UNC5C: variants seen among roughly 807,000 people sequenced by gnomAD.
UNC5C encodes the protein unc-5 netrin receptor C, also known as netrin receptor UNC5C.
Under a neutral mutation model 99.8 loss-of-function variants are expected in UNC5C, and 47 were observed. That is an observed-to-expected ratio of 0.47 (90% CI 0.37 to 0.60). The LOEUF (loss-of-function observed/expected upper bound fraction) is 0.60, where lower values mean the gene tolerates loss of function less well. Among genes scored for constraint, UNC5C ranks in the 20% least tolerant of loss-of-function variants. The pLI is 0.00. For missense variants in UNC5C, 1,062 were observed against 1,165.9 expected, an observed-to-expected ratio of 0.91 and a Z score of 1.30; for synonymous variants, 487 against 452.2, an observed-to-expected ratio of 1.08 and a Z score of -0.98.
intron 10 of UNC5C, among the ~76,000 whole-genome samples, chr4:95,207,944 A>G (rs1194972379): frequency 6.6e-6 from 1 of 152,186 alleles, no homozygotes; most frequent in Non-Finnish European, 1.5e-5. Context: ...ACTGTTTCAT[A>G]TATTTGGAGA....
chr4:95,232,492 G>A (rs1267370552), intron 7 of UNC5C, among the ~76,000 whole-genome samples: 4 of 152,094 alleles, frequency 2.6e-5, no homozygotes, highest in African/African-American at 7.2e-5. Flanking sequence ...TAGATTTCTA[G>A]CAAGAAGAAA....
chr4:95,172,847 C>A (rs952801156), intron 14 of UNC5C, among the ~76,000 whole-genome samples: 3 of 152,074 alleles, frequency 2.0e-5, no homozygotes, highest in African/African-American at 7.2e-5. Flanking sequence ...GCCATTTTCA[C>A]GATATTGATT....
At position 95,487,100 on chromosome 4, in the gene UNC5C, T is replaced by C. The variant is rs1296057926; in HGVS notation, c.124+61634A>G. Among the ~76,000 whole-genome samples, 3 of 151,680 alleles carry C rather than the reference T, an allele frequency of 2.0e-5. No homozygotes were observed. In the East Asian group the frequency reaches 5.9e-4, roughly 30 times the overall value. On this transcript the variant is annotated intron_variant, in intron 1 of 15. Coordinates refer to ENST00000453304, the MANE Select transcript of UNC5C (RefSeq NM_003728.4). ...TTAGACTTCCCAACCTCCAGAACCATGAGGCAATAAATTCATGTTCACTAT... is the reference window on the plus strand; with the variant it reads ...TTAGACTTCCCAACCTCCAGAACCACGAGGCAATAAATTCATGTTCACTAT...
chr4:95,501,688 A>G (rs757390639), intron 1 of UNC5C, among the ~76,000 whole-genome samples: 35 of 152,166 alleles, frequency 2.3e-4, no homozygotes, highest in Non-Finnish European at 4.7e-4. Flanking sequence ...TGAAAGTATT[A>G]TAAAGGCAAA....
intron 1 of UNC5C, among the ~76,000 whole-genome samples, chr4:95,392,465 T>C: frequency 6.6e-6 from 1 of 150,486 alleles, no homozygotes; most frequent in Non-Finnish European, 1.5e-5. Context: ...CAGGTTTCAC[T>C]CTGTCACCTG....
At chr4:95,250,241 G>A (rs1739646729) in intron 5 of UNC5C, among the ~76,000 whole-genome samples, 1 of 152,080 alleles carries the variant, frequency 6.6e-6, no homozygotes, top group Non-Finnish European at 1.5e-5. Flanking sequence ...CTAGAACCGG[G>A]CATGGTGGTA....
chr4:95,167,278 G>A lies in UNC5C; in HGVS notation c.*1956C>T, dbSNP rs1234929555. 6.6e-6 allele frequency: 1 copy of A among 152,142 alleles called. No individual in the cohort carries two copies. Among genetic ancestry groups the A allele is most frequent in the South Asian group, 2.1e-4 (1 of 4,832 alleles). The allele number at this position is 152,142 out of a possible 1,614,324, so 9.4% of individuals were successfully genotyped here. ...GTTCTTCAGTTTTGGTTTTGCTACT[G>A]GGCTTTGATTCTTTAATCCCCACCT... is the stretch of plus-strand genomic sequence containing the variant. On this transcript the variant is annotated 3_prime_UTR_variant, in exon 16 of 16. Coordinates refer to ENST00000453304, the MANE Select transcript of UNC5C (RefSeq NM_003728.4).
At chr4:95,464,330 T>G (rs1296807957) in intron 1 of UNC5C, among the ~76,000 whole-genome samples, 2 of 152,202 alleles carry the variant, frequency 1.3e-5, no homozygotes, top group African/African-American at 4.8e-5. Flanking sequence ...AATTGGTTCC[T>G]ACAGAAATGA....
Position 95,197,051 on chromosome 4 carries a change from A to C in UNC5C, c.2136+5680T>G, listed in dbSNP as rs1737450656. 4.0e-5 allele frequency among the ~76,000 whole-genome samples: 2 copies of C among 50,278 alleles called. 1 individual carries two copies. The highest frequency in any genetic ancestry group is 7.0e-5 in the Non-Finnish European group (2 of 28,646). 33.0% of individuals were successfully genotyped at this position (50,278 alleles called of 152,430 possible). ...TATATTTATATATTATATTTATGTA[A>C]TATATAATATATATTTTTATATTAT... On this transcript the variant is annotated intron_variant, in intron 12 of 15. Coordinates refer to ENST00000453304, the MANE Select transcript of UNC5C (RefSeq NM_003728.4).
At chr4:95,505,559 T>C (rs1167420971) in intron 1 of UNC5C, among the ~76,000 whole-genome samples, 1 of 152,106 alleles carries the variant, frequency 6.6e-6, no homozygotes, top group African/African-American at 2.4e-5. Flanking sequence ...TTGGGTGACA[T>C]AATATTTTAA....
At chr4:95,468,875 C>A (rs1054676801) in intron 1 of UNC5C, among the ~76,000 whole-genome samples, 1 of 152,108 alleles carries the variant, frequency 6.6e-6, no homozygotes, top group Non-Finnish European at 1.5e-5. Context: ...AAAAGGCAGT[C>A]CCTTTTTGGC....
rs541946933 is a variant in UNC5C at position 95,193,485 on chromosome 4, C to T, written c.2137-8289G>A. On this transcript the variant is annotated intron_variant, in intron 12 of 15. Coordinates refer to ENST00000453304, the MANE Select transcript of UNC5C (RefSeq NM_003728.4). ...AGACCAGCAAATGTGCAGCATGCCA[C>T]TCATATGAAACTTCAAAAGGCCAGC... 7.2e-5 allele frequency among the ~76,000 whole-genome samples: 11 copies of T among 152,276 alleles called. No individual in the cohort carries two copies. The South Asian group carries it at 1.7e-3, about 23-fold the overall frequency.
At chr4:95,380,678 A>G (rs1418032098) in intron 1 of UNC5C, among the ~76,000 whole-genome samples, 1 of 152,218 alleles carries the variant, frequency 6.6e-6, no homozygotes, top group Admixed American at 6.5e-5. Context: ...CAGATTTTCT[A>G]TAATGACATT....
At chr4:95,324,052 A>AATAT (rs1449448639) in intron 2 of UNC5C, among the ~76,000 whole-genome samples, 1 of 151,990 alleles carries the variant, frequency 6.6e-6, no homozygotes, top group East Asian at 1.9e-4. Flanking sequence ...TAAATAAATA[A>AATAT]ATAAATAAAT....
Position 95,226,235 on chromosome 4 carries a change from T to C in UNC5C, c.1109-6059A>G, listed in dbSNP as rs150456341. Among the ~76,000 whole-genome samples the C allele has an allele frequency of 1.4e-3, 212 of 152,366 alleles. 2 individuals are homozygous for C. The highest frequency in any genetic ancestry group is 4.7e-3 in the African/African-American group (196 of 41,592). On this transcript the variant is annotated intron_variant, in intron 7 of 15. Transcript: ENST00000453304. ...AGCACCAGGCCATGGGCCAGTACAC[T>C]GCTTTTCAGTGTCATGAACATCAGC...
At chr4:95,183,648 T>C (rs10026552) in intron 13 of UNC5C, among the ~76,000 whole-genome samples, 83,327 of 150,918 alleles carry the variant, frequency 0.55, 26,972 homozygotes, top group Admixed American at 0.74. Context: ...GCTTTAATTT[T>C]CTAAAAGTCT....
chr4:95,462,518 G>A lies in UNC5C; in HGVS notation c.124+86216C>T, dbSNP rs184856193. On this transcript the variant is annotated intron_variant, in intron 1 of 15. Transcript: ENST00000453304. ...CTGACTATAAAAATGAAAATTTCAG[G>A]AGAAATGCCTAGTTCTAGGGTAACT... 1.2e-3 allele frequency among the ~76,000 whole-genome samples: 181 copies of A among 152,236 alleles called. 1 individual carries two copies. Among genetic ancestry groups the A allele is most frequent in the Non-Finnish European group, 2.4e-4 (16 of 68,018 alleles).
At chr4:95,406,709 A>ATAAT (rs1745840745) in intron 1 of UNC5C, among the ~76,000 whole-genome samples, 1 of 152,240 alleles carries the variant, frequency 6.6e-6, no homozygotes, top group Non-Finnish European at 1.5e-5. Context: ...ATTTCTGAGT[A>ATAAT]TAATTTATAG....
chr4:95,517,865 T>A (rs1038810580), intron 1 of UNC5C, among the ~76,000 whole-genome samples: 3 of 152,170 alleles, frequency 2.0e-5, no homozygotes, highest in African/African-American at 7.2e-5. Flanking sequence ...TCATTGAGTC[T>A]CTGATTTAGA....
Sources: allele counts gnomAD v4.1 joint callset (sites outside exome capture counted in the v4.1 genomes callset), GRCh38; gene constraint gnomAD v4.1.1; transcripts MANE v1.5; gene names NCBI Gene and HGNC (gene_info 2026-07-23, HGNC 2026-07-21).